The following TGM6 variants were observed in gnomAD, a reference collection of about 807,000 sequenced individuals.
TGM6 encodes transglutaminase 6, also known as protein-glutamine gamma-glutamyltransferase 6.
In TGM6, 74 loss-of-function variants were observed where a neutral mutation model predicts 77.5. The observed-to-expected ratio is 0.96, with a 90% confidence interval of 0.79 to 1.16. The LOEUF is 1.16. Ranked by LOEUF, TGM6 falls within the 50% of genes most tolerant of loss-of-function variation. The probability of loss-of-function intolerance (pLI) is 0.00; values close to 1 mark genes in which losing one functional copy is unlikely to be tolerated. For synonymous variants in TGM6, 383 were observed against 378.9 expected, an observed-to-expected ratio of 1.01 and a Z score of -0.12; for missense variants, 968 against 940.2, an observed-to-expected ratio of 1.03 and a Z score of -0.39.
At position 2,417,373 on chromosome 20, in the gene TGM6, C is replaced by T. The variant is rs776319756; in HGVS notation, c.1478C>T (p.Pro493Leu). 48 of 1,613,492 alleles carry T rather than the reference C, an allele frequency of 3.0e-5. No individual in the cohort carries two copies. The East Asian group carries it at 1.0e-3, about 34-fold the overall frequency. ...RDDLLEPATK[P>L]SIAGKFKVLE... is the part of the protein sequence containing the mutation. Reference sequence around the variant, plus strand: ...GACCTCCTGGAGCCTGCCACCAAGCCCAGCATCGCTGGCAAGTTCAAGGTG... The same window carrying T: ...GACCTCCTGGAGCCTGCCACCAAGCTCAGCATCGCTGGCAAGTTCAAGGTG... Residue 493 changes from proline (P) to leucine (L), a missense_variant, in exon 10 of 13, where the codon CCC (proline) becomes CTC (leucine). By Grantham distance (98) the Pro-to-Leu change is moderately conservative. Transcript: ENST00000202625.
chr20:2,423,192 T>C (rs1417690777), intron 10 of TGM6, among the ~76,000 whole-genome samples: 8 of 151,842 alleles, frequency 5.3e-5, no homozygotes, highest in Non-Finnish European at 1.2e-4. Context: ...GTTGTGGCAA[T>C]TTCTTAAAAT....
At chr20:2,414,030 G>GTATATA (rs1277751413) in intron 9 of TGM6, among the ~76,000 whole-genome samples, 1 of 152,060 alleles carries the variant, frequency 6.6e-6, no homozygotes, top group Non-Finnish European at 1.5e-5. Flanking sequence ...ATATGTATAT[G>GTATATA]TAACTCTTAA....
chr20:2,404,160 G>A (rs890275973), intron 9 of TGM6, among the ~76,000 whole-genome samples: 3 of 152,152 alleles, frequency 2.0e-5, no homozygotes, highest in African/African-American at 7.2e-5. Context: ...GATAGTAGCA[G>A]GTATTATTTA....
intron 9 of TGM6, among the ~76,000 whole-genome samples, chr20:2,411,332 A>G (rs1264064587): frequency 6.6e-6 from 1 of 152,222 alleles, no homozygotes; most frequent in Non-Finnish European, 1.5e-5. Context: ...AGAATACAAG[A>G]TGGGTTTAAC....
Position 2,399,676 on chromosome 20 carries a change from A to G in TGM6, c.788A>G (p.Lys263Arg). 6.2e-7 allele frequency: 1 copy of G among 1,613,784 alleles called. No homozygotes were observed. The highest frequency in any genetic ancestry group is 1.7e-5 in the Admixed American group (1 of 60,014). The change falls in exon 6 of 13, where the codon AAG becomes AGG. Residue 263 changes from lysine (K) to arginine (R), a missense_variant. Coordinates refer to ENST00000202625, the MANE Select transcript of TGM6 (RefSeq NM_198994.3). The stretch of plus-strand genomic sequence containing the variant: ...GTGGCCATTCTGCAGAAGTGGCTCA[A>G]GGGCAGGTACAAGCCAGTCAAGTAC... ...GSVAILQKWL[K>R]GRYKPVKYGQ... is the part of the protein sequence containing the mutation.
Position 2,389,452 on chromosome 20 carries a change from T to C in TGM6, c.8-5000T>C, listed in dbSNP as rs545540527. Among the ~76,000 whole-genome samples, 17 of 152,266 alleles carry C rather than the reference T, an allele frequency of 1.1e-4. No homozygotes were observed. The East Asian group carries it at 2.5e-3, about 22-fold the overall frequency. ...CACAAAAACCATGAAAGATAACATA[T>C]GATTATCATTTTTCCAAGCTAAACT... On this transcript the variant is annotated intron_variant, in intron 1 of 12. Coordinates refer to ENST00000202625, the MANE Select transcript of TGM6 (RefSeq NM_198994.3).
rs770145628 is a variant in TGM6, at chr20:2,403,787, C to T, written c.1300C>T (p.Arg434Cys). 20 of 1,614,038 alleles carry T rather than the reference C, an allele frequency of 1.2e-5. No homozygotes were observed. Among genetic ancestry groups the T allele is most frequent in the East Asian group, 2.2e-5 (1 of 44,870 alleles). The change falls in exon 9 of 13, where the codon CGC (arginine) becomes TGC (cysteine). Residue 434 changes from arginine to cysteine, a missense_variant. Transcript: ENST00000202625. Reference sequence around the variant, plus strand: ...CACCAAGGCGGTGGGCAGTGACTCCCGCGTGGACATCACTGACCTCTACAA... The same window carrying T: ...CACCAAGGCGGTGGGCAGTGACTCCTGCGTGGACATCACTGACCTCTACAA... ...ISTKAVGSDS[R>C]VDITDLYKYP...
Position 2,431,011 on chromosome 20 carries a change from G to A in TGM6, c.1951G>A (p.Glu651Lys). The A allele has an allele frequency of 6.2e-7, 1 of 1,614,054 alleles. No homozygotes were observed. The highest frequency in any genetic ancestry group is 2.2e-5 in the East Asian group (1 of 44,858). ...GGTGGAGGGCAGCGGCCTTCTCCAG[G>A]AACAGCTCAGCATCGAGTAAGTGCC... ...LMVEGSGLLQ[E>K]QLSIDVPTLE... Residue 651 changes from glutamate (E) to lysine (K), a missense_variant, in exon 12 of 13, where the codon GAA becomes AAA. Coordinates refer to ENST00000202625, the MANE Select transcript of TGM6 (RefSeq NM_198994.3).
At chr20:2,399,878 A>C in intron 6 of TGM6, 140 bp downstream of exon 6, 1 of 795,432 alleles carries the variant, frequency 1.3e-6, no homozygotes, top group Non-Finnish European at 2.0e-6. Context: ...TGGCTGATGA[A>C]GAGAGAAGCC....
chr20:2,408,223 T>C (rs1205582984), intron 9 of TGM6, among the ~76,000 whole-genome samples: 1 of 152,198 alleles, frequency 6.6e-6, no homozygotes. Context: ...CTCTGAGTCA[T>C]GAGCCCTTGC....
At chr20:2,431,195 T>G (rs1355661810) in intron 12 of TGM6, among the ~76,000 whole-genome samples, 168 bp downstream of exon 12, 2 of 152,160 alleles carry the variant, frequency 1.3e-5, no homozygotes, top group Non-Finnish European at 2.9e-5. Context: ...CCTTCATTCA[T>G]CCAATCATTC....
chr20:2,399,796 T>C, intron 6 of TGM6, 58 bp downstream of exon 6: 4 of 1,457,208 alleles, frequency 2.7e-6, no homozygotes, highest in Non-Finnish European at 3.8e-6. Context: ...TCTATCTAAA[T>C]GTATTTACAT....
At chr20:2,420,038 A>G (rs1388285607) in intron 10 of TGM6, among the ~76,000 whole-genome samples, 2 of 152,100 alleles carry the variant, frequency 1.3e-5, no homozygotes, top group Non-Finnish European at 2.9e-5. Flanking sequence ...AGGTCAGGAG[A>G]TGGAGACCAT....
At chr20:2,386,159 A>G (rs2084594082) in intron 1 of TGM6, among the ~76,000 whole-genome samples, 1 of 152,102 alleles carries the variant, frequency 6.6e-6, no homozygotes, top group Admixed American at 6.5e-5. Flanking sequence ...CCCCATGAGG[A>G]CTAAGAGGGA....
At chr20:2,393,118 C>A (rs759320067) in intron 1 of TGM6, among the ~76,000 whole-genome samples, 12 of 152,204 alleles carry the variant, frequency 7.9e-5, no homozygotes, top group Non-Finnish European at 1.8e-4. Flanking sequence ...TGTATATGCA[C>A]GTTGCTAATA....
intron 9 of TGM6, among the ~76,000 whole-genome samples, chr20:2,412,414 TG>T (rs1166785842): frequency 1.5e-4 from 23 of 152,278 alleles, no homozygotes; most frequent in African/African-American, 5.1e-4. Context: ...ATGGTAGTGA[TG>T]GTTACACAAC....
chr20:2,396,481 A>T (rs746765509), intron 3 of TGM6, 25 bp from the exon 4 acceptor site: 10 of 1,611,336 alleles, frequency 6.2e-6, no homozygotes, highest in Non-Finnish European at 8.5e-6. Context: ...CCCAGTCCAC[A>T]CCGGGCCTGA....
chr20:2,411,005 G>A (rs2084781360), intron 9 of TGM6, among the ~76,000 whole-genome samples: 1 of 152,004 alleles, frequency 6.6e-6, no homozygotes, highest in African/African-American at 2.4e-5. Context: ...AAATAATCAG[G>A]CCCAGATTAT....
chr20:2,409,183 GAT>G (rs1267905053), intron 9 of TGM6, among the ~76,000 whole-genome samples: 12 of 152,156 alleles, frequency 7.9e-5, no homozygotes, highest in Non-Finnish European at 4.4e-5. Context: ...AAGAGAATTT[GAT>G]ACATTTATAA....
Sources: gnomAD v4.1 joint callset for allele counts (sites outside exome capture counted in the v4.1 genomes callset) on GRCh38, gnomAD v4.1.1 for gene constraint, MANE v1.5 for transcripts, NCBI Gene and HGNC (gene_info 2026-07-23, HGNC 2026-07-21) for gene names.